The following MCU variants were observed in gnomAD, a reference collection of about 807,000 sequenced individuals.
The protein encoded by MCU is mitochondrial calcium uniporter.
A neutral mutation model predicts 45.2 loss-of-function variants in MCU; 12 were observed. The ratio of observed to expected loss-of-function variants is 0.27; its 90% CI spans 0.17 to 0.43. MCU has a LOEUF of 0.43. Among genes scored for constraint, MCU ranks in the 20% least tolerant of loss-of-function variants. The pLI is 1.00. For synonymous variants in MCU, 160 were observed against 165.1 expected (o/e 0.97, Z 0.24); for missense variants, 324 against 436.7 (o/e 0.74, Z 2.30).
intron 1 of MCU, among the ~76,000 whole-genome samples, chr10:72,713,405 G>A (rs767622256): frequency 2.6e-5 from 4 of 152,000 alleles, no homozygotes; most frequent in Non-Finnish European, 4.4e-5. Context: ...TCAGCCTCCC[G>A]AGTAGCTGGG....
intron 1 of MCU, among the ~76,000 whole-genome samples, chr10:72,777,785 G>A (rs1469123749): frequency 1.3e-5 from 2 of 152,224 alleles, no homozygotes; most frequent in African/African-American, 2.4e-5. Context: ...GAAAATACGT[G>A]CATCTGACAA....
At chr10:72,870,743 G>A (rs537991867) in intron 5 of MCU, among the ~76,000 whole-genome samples, 8 of 152,296 alleles carry the variant, frequency 5.3e-5, no homozygotes, top group South Asian at 2.1e-4. Flanking sequence ...AATCGTGTAT[G>A]CAACAGTGAA....
At chr10:72,704,339 C>G (rs533734997) in intron 1 of MCU, among the ~76,000 whole-genome samples, 1 of 152,264 alleles carries the variant, frequency 6.6e-6, no homozygotes, top group South Asian at 2.1e-4. Context: ...AAAGGCCATT[C>G]AATTCACGGT....
chr10:72,736,994 A>G (rs957969613), intron 1 of MCU, among the ~76,000 whole-genome samples: 1 of 152,260 alleles, frequency 6.6e-6, no homozygotes, highest in Non-Finnish European at 1.5e-5. Flanking sequence ...ATACTTCACT[A>G]CAGTGTTCCC....
chr10:72,767,363 A>G (rs1843743013), intron 1 of MCU, among the ~76,000 whole-genome samples: 1 of 152,154 alleles, frequency 6.6e-6, no homozygotes, highest in African/African-American at 2.4e-5. Flanking sequence ...ATTACATAGG[A>G]CTATGTGAGT....
chr10:72,692,190 C>T lies in MCU; in HGVS notation c.39C>T (p.Leu13=). The part of the protein sequence containing the change: ...AAAGRSLLLL[L]SSRGGGGGGA... ...CAGGTAGATCGCTCCTGCTGCTCCT[C>T]TCCTCTCGGGGCGGCGGCGGCGGGG... Residue 13 remains leucine, a synonymous_variant, in exon 1 of 8, where the codon CTC becomes CTT. Transcript: ENST00000373053. 7.8e-7 allele frequency: 1 copy of T among 1,275,500 alleles called. No individual in the cohort carries two copies. The highest frequency in any genetic ancestry group is 1.0e-6 in the Non-Finnish European group (1 of 1,003,856). The allele number at this position is 1,275,500 out of a possible 1,614,324, so 79.0% of individuals were successfully genotyped here.
rs150532015 is a variant in MCU, at chr10:72,703,254, A to G, written c.150+10953A>G. On this transcript the variant is annotated intron_variant, in intron 1 of 7. Transcript: ENST00000373053. ...TCTCATTTAATTCTTGTGATACACT[A>G]TGACCCAGGTACTGTTTTTATCCTC... 5.3e-5 allele frequency among the ~76,000 whole-genome samples: 8 copies of G among 152,346 alleles called. No homozygotes were observed. In the South Asian group the frequency reaches 8.3e-4, roughly 16 times the overall value.
chr10:72,839,594 T>C lies in MCU; in HGVS notation c.220+5166T>C, dbSNP rs1845015955. On this transcript the variant is annotated intron_variant, in intron 2 of 7. Transcript: ENST00000373053. The stretch of plus-strand genomic sequence containing the variant: ...GGTAGTATTCCGGTATATGGAAATA[T>C]CACATTTCTTTATTCATTCACCAAA... Among the ~76,000 whole-genome samples, 3 of 152,158 alleles carry C rather than the reference T, an allele frequency of 2.0e-5. No homozygotes were observed. The South Asian group carries it at 6.2e-4, about 32-fold the overall frequency.
chr10:72,829,322 C>CAAA (rs34102458), intron 1 of MCU, among the ~76,000 whole-genome samples: 2 of 116,678 alleles, frequency 1.7e-5, no homozygotes, highest in Non-Finnish European at 1.8e-5. Flanking sequence ...GACACTGTCT[C>CAAA]AAAAAAAAAA....
At chr10:72,770,072 G>C (rs918553341) in intron 1 of MCU, among the ~76,000 whole-genome samples, 4 of 151,782 alleles carry the variant, frequency 2.6e-5, no homozygotes, top group African/African-American at 9.7e-5. Context: ...GTTATTGGTA[G>C]TGTGTTGTTT....
At chr10:72,697,317 A>G (rs1325310339) in intron 1 of MCU, among the ~76,000 whole-genome samples, 3 of 149,762 alleles carry the variant, frequency 2.0e-5, no homozygotes, top group South Asian at 2.1e-4. Flanking sequence ...GGGTTTCGCC[A>G]TGTTGGCCAA....
At chr10:72,711,301 A>G (rs988391682) in intron 1 of MCU, among the ~76,000 whole-genome samples, 100 of 143,136 alleles carry the variant, frequency 7.0e-4, no homozygotes, top group Non-Finnish European at 1.3e-3. Context: ...GCTCGCTGCG[A>G]TCTCCACTTC....
intron 1 of MCU, chr10:72,715,791 T>G: frequency 1.2e-6 from 1 of 848,486 alleles, no homozygotes; most frequent in East Asian, 1.2e-4. Flanking sequence ...CTATATAAAT[T>G]AACACATCCC....
intron 1 of MCU, among the ~76,000 whole-genome samples, chr10:72,804,766 C>G (rs1363527039): frequency 6.6e-6 from 1 of 152,148 alleles, no homozygotes; most frequent in African/African-American, 2.4e-5. Context: ...GTAATTGTAT[C>G]CACGTCTTAG....
At position 72,797,534 on chromosome 10, in the gene MCU, CTT is replaced by C. The variant is rs11411848; in HGVS notation, c.151-36808_151-36807del. ...AGCCACTGCGACTGGCCATAATATA[CTT>C]TTTTTTTTTTTTTTTTGAGATGGAG... On this transcript the variant is annotated intron_variant, in intron 1 of 7. Transcript: ENST00000373053. Among the ~76,000 whole-genome samples the C allele has an allele frequency of 6.2e-3, 720 of 115,678 alleles. 7 individuals are homozygous for C. The highest frequency in any genetic ancestry group is 0.022 in the African/African-American group (670 of 30,536). 75.9% of individuals were successfully genotyped at this position (115,678 alleles called of 152,430 possible).
At chr10:72,762,460 G>A (rs1158557598) in intron 1 of MCU, among the ~76,000 whole-genome samples, 2 of 151,588 alleles carry the variant, frequency 1.3e-5, no homozygotes, top group Non-Finnish European at 2.9e-5. Flanking sequence ...ATACATGCAA[G>A]TTCCATGGAA....
At chr10:72,714,388 T>A (rs1842933924) in intron 1 of MCU, among the ~76,000 whole-genome samples, 1 of 122,664 alleles carries the variant, frequency 8.2e-6, no homozygotes, top group South Asian at 2.6e-4. Context: ...GGGTCTTGCT[T>A]GTTGCCCAGG....
Position 72,868,722 on chromosome 10 carries a change from T to G in MCU, c.516T>G (p.Asn172Lys). 6.2e-7 allele frequency: 1 copy of G among 1,613,666 alleles called. No individual in the cohort carries two copies. Among genetic ancestry groups the G allele is most frequent in the Non-Finnish European group, 8.5e-7 (1 of 1,179,862 alleles). Residue 172 changes from asparagine (N) to lysine (K), a missense_variant, in exon 5 of 8, where the codon AAT becomes AAG. By Grantham distance (94) the Asn-to-Lys change is moderately conservative. Around this residue, in one of 4 missense-constraint regions of MCU, gnomAD observed 135 missense variants for 207.3 expected, o/e 0.65. Transcript: ENST00000373053. The part of the protein sequence containing the change: ...PPKRDLLSHE[N>K]AATLNDVKTL... ...TTTCAGACCTCTTAAGTCATGAAAA[T>G]GCAGCAACGCTGAATGATGTAAAGA...
intron 1 of MCU, among the ~76,000 whole-genome samples, chr10:72,768,469 G>A (rs370685110): frequency 6.6e-6 from 1 of 152,126 alleles, no homozygotes; most frequent in African/African-American, 2.4e-5. Flanking sequence ...TGAACACTAT[G>A]CTAAGTAGTG....
Sources: gnomAD v4.1 joint callset for allele counts (sites outside exome capture counted in the v4.1 genomes callset) on GRCh38, gnomAD v4.1.1 for gene constraint, gnomAD v4.1.1 regional missense constraint, MANE v1.5 for transcripts, NCBI Gene and HGNC (gene_info 2026-07-23, HGNC 2026-07-21) for gene names.